The following RIC1 variants were observed in gnomAD, a reference collection of about 807,000 sequenced individuals.
RIC1 encodes guanine nucleotide exchange factor subunit RIC1.
A neutral mutation model predicts 169.0 loss-of-function variants in RIC1; 88 were observed. That is an observed-to-expected ratio of 0.52 (90% CI 0.44 to 0.62). The LOEUF is 0.62. Ranked by LOEUF, RIC1 falls within the 20% of genes least tolerant of loss-of-function variation. The probability of loss-of-function intolerance (pLI) is 0.00; values close to 1 mark genes in which losing one functional copy is unlikely to be tolerated. For missense variants in RIC1, 1,877 were observed against 1,725.5 expected, an observed-to-expected ratio of 1.09 and a Z score of -1.56; for synonymous variants, 790 against 601.5, an observed-to-expected ratio of 1.31 and a Z score of -4.59.
intron 3 of RIC1, among the ~76,000 whole-genome samples, chr9:5,706,430 G>A (rs183044339): frequency 6.6e-5 from 10 of 152,168 alleles, no homozygotes; most frequent in African/African-American, 1.9e-4. Context: ...CCAGCCTAGC[G>A]ACAGAGCAAG....
chr9:5,683,564 G>A (rs1437852803), intron 2 of RIC1, among the ~76,000 whole-genome samples: 1 of 152,196 alleles, frequency 6.6e-6, no homozygotes, highest in Non-Finnish European at 1.5e-5. Flanking sequence ...CTACTGGGGG[G>A]TGCCCCTCAG....
chr9:5,726,449 C>G (rs1272754740), intron 6 of RIC1, among the ~76,000 whole-genome samples: 1 of 152,116 alleles, frequency 6.6e-6, no homozygotes, highest in African/African-American at 2.4e-5. Context: ...ATGTGTGTCT[C>G]TGCACGTAAG....
At chr9:5,746,793 A>G (rs1369530626) in intron 11 of RIC1, among the ~76,000 whole-genome samples, 3 of 152,162 alleles carry the variant, frequency 2.0e-5, no homozygotes, top group Non-Finnish European at 4.4e-5. Context: ...TTTTTAATGG[A>G]TATTTGGTAC....
At position 5,656,657 on chromosome 9, in the gene RIC1, A is replaced by G. The variant is rs1273324377; in HGVS notation, c.219A>G (p.Glu73=). ...STQFGSYKQA[E]WRPDSTMIAV... ...AGTTTGGATCCTACAAGCAAGCTGA[A>G]TGGAGGCCAGATAGTACCATGATAG... Residue 73 remains glutamate, a synonymous_variant, in exon 2 of 26, where the codon GAA becomes GAG. Transcript: ENST00000414202. 1 of 1,610,334 alleles carries G rather than the reference A, an allele frequency of 6.2e-7. No individual in the cohort carries two copies. The highest frequency in any genetic ancestry group is 8.5e-7 in the Non-Finnish European group (1 of 1,177,500).
intron 2 of RIC1, among the ~76,000 whole-genome samples, chr9:5,676,934 A>G (rs888356497): frequency 2.0e-5 from 3 of 152,222 alleles, no homozygotes; most frequent in Non-Finnish European, 4.4e-5. Context: ...CTGTTGATGG[A>G]CAGTTTGACT....
chr9:5,720,535 A>C (rs183767978), intron 5 of RIC1, 79 bp from the exon 6 acceptor site: 2 of 1,376,712 alleles, frequency 1.5e-6, no homozygotes, highest in African/African-American at 2.9e-5. Flanking sequence ...TTTTAAACTT[A>C]CAGGTTTTTC....
At chr9:5,752,234 A>G (rs910470014) in intron 12 of RIC1, among the ~76,000 whole-genome samples, 3 of 152,182 alleles carry the variant, frequency 2.0e-5, no homozygotes, top group Non-Finnish European at 4.4e-5. Flanking sequence ...TCTTGCAGAT[A>G]GAGTTAATAT....
At chr9:5,732,971 A>G (rs907860621) in intron 7 of RIC1, among the ~76,000 whole-genome samples, 2 of 152,150 alleles carry the variant, frequency 1.3e-5, no homozygotes, top group Admixed American at 6.5e-5. Context: ...TTCAACAAGT[A>G]TCTGTATGCC....
At chr9:5,680,095 T>C (rs549851823) in intron 2 of RIC1, among the ~76,000 whole-genome samples, 92 of 152,354 alleles carry the variant, frequency 6.0e-4, no homozygotes, top group Non-Finnish European at 4.4e-5. Flanking sequence ...TCTATTGAGA[T>C]AATCATGTGG....
intron 3 of RIC1, among the ~76,000 whole-genome samples, chr9:5,694,139 G>T (rs765883226): frequency 4.6e-5 from 7 of 152,146 alleles, no homozygotes; most frequent in Non-Finnish European, 7.4e-5. Flanking sequence ...ATAGCTACCT[G>T]AGGTTAGCAA....
Position 5,747,486 on chromosome 9 carries a change from G to A in RIC1, c.1433G>A (p.Arg478Gln), listed in dbSNP as rs778798263. 14 of 1,613,680 alleles carry A rather than the reference G, an allele frequency of 8.7e-6. No individual in the cohort carries two copies. Among genetic ancestry groups the A allele is most frequent in the African/African-American group, 8.0e-5 (6 of 74,900 alleles). Residue 478 changes from arginine to glutamine, a missense_variant, in exon 12 of 26, where the codon CGG becomes CAG. Arg to Gln is a conservative substitution (Grantham distance 43). Around this residue, in one of 3 missense-constraint regions of RIC1, gnomAD observed 1,104 missense variants for 992.0 expected, o/e 1.11. Coordinates refer to ENST00000414202, the MANE Select transcript of RIC1 (RefSeq NM_020829.4). The stretch of plus-strand genomic sequence containing the variant: ...GGATTAAGCACTTTACTTGGACATC[G>A]GCATTGGCATGTTGTACAGGTAAAT... ...SQGLSTLLGHRHWHVVQISST... is the reference protein window; with the variant it reads ...SQGLSTLLGHQHWHVVQISST...
intron 10 of RIC1, among the ~76,000 whole-genome samples, chr9:5,745,051 T>C (rs1047978807): frequency 6.6e-6 from 1 of 152,176 alleles, no homozygotes; most frequent in Non-Finnish European, 1.5e-5. Context: ...CCCACCTCCA[T>C]AGTTTAAAAT....
At position 5,772,701 on chromosome 9, in the gene RIC1, T is replaced by C; in HGVS notation, c.3754T>C (p.Leu1252=). 1 of 1,612,044 alleles carries C rather than the reference T, an allele frequency of 6.2e-7. No individual in the cohort carries two copies. The highest frequency in any genetic ancestry group is 1.1e-5 in the South Asian group (1 of 90,476). The change falls in exon 24 of 26, where the codon TTG becomes CTG. Residue 1252 remains leucine, a synonymous_variant. Coordinates refer to ENST00000414202, the MANE Select transcript of RIC1 (RefSeq NM_020829.4). Reference sequence around the variant, plus strand: ...AGAGCTGGAGCACATTTCCATGGAGTTGGCCAGTAAAGGGCCTCATAAATC... The same window carrying C: ...AGAGCTGGAGCACATTTCCATGGAGCTGGCCAGTAAAGGGCCTCATAAATC... ...QSELEHISME[L]ASKGPHKSQV...
chr9:5,645,239 A>G (rs1042121870), intron 1 of RIC1, among the ~76,000 whole-genome samples: 1 of 152,116 alleles, frequency 6.6e-6, no homozygotes, highest in Non-Finnish European at 1.5e-5. Context: ...TTTTGTAGAG[A>G]CAGGGTCTCC....
At chr9:5,652,788 T>G (rs113263601) in intron 1 of RIC1, among the ~76,000 whole-genome samples, 1 of 152,206 alleles carries the variant, frequency 6.6e-6, no homozygotes, top group African/African-American at 2.4e-5. Flanking sequence ...TATTCCAGAT[T>G]AGAGGAAAAG....
At chr9:5,705,954 T>G (rs1234876450) in intron 3 of RIC1, among the ~76,000 whole-genome samples, 1 of 152,242 alleles carries the variant, frequency 6.6e-6, no homozygotes. Context: ...ATTACATTGA[T>G]TTTCATGTGT....
chr9:5,655,498 A>G (rs913296083), intron 1 of RIC1, among the ~76,000 whole-genome samples: 26 of 151,966 alleles, frequency 1.7e-4, no homozygotes, highest in African/African-American at 6.3e-4. Flanking sequence ...ATGGGGTTTC[A>G]CCATATTGGC....
At chr9:5,750,910 C>G (rs771706462) in intron 12 of RIC1, among the ~76,000 whole-genome samples, 2 of 151,812 alleles carry the variant, frequency 1.3e-5, no homozygotes, top group Non-Finnish European at 2.9e-5. Flanking sequence ...TAGACACAAA[C>G]TGCATGAAAA....
chr9:5,728,170 C>G (rs980304380), intron 6 of RIC1, among the ~76,000 whole-genome samples: 1 of 152,242 alleles, frequency 6.6e-6, no homozygotes, highest in Non-Finnish European at 1.5e-5. Context: ...GGCAGGCCTC[C>G]TTGAGCTGCG....
Sources: gnomAD v4.1 joint callset for allele counts (sites outside exome capture counted in the v4.1 genomes callset) on GRCh38, gnomAD v4.1.1 for gene constraint, gnomAD v4.1.1 regional missense constraint, MANE v1.5 for transcripts, NCBI Gene and HGNC (gene_info 2026-07-23, HGNC 2026-07-21) for gene names.